SYN2: variants seen among roughly 807,000 people sequenced by gnomAD.
SYN2 encodes synapsin II.
SYN2 carries 19 observed loss-of-function variants against 50.9 expected under a neutral mutation model. That is an observed-to-expected ratio of 0.37 (90% CI 0.26 to 0.55). The LOEUF (loss-of-function observed/expected upper bound fraction) is 0.55, where lower values mean the gene tolerates loss of function less well. Among genes scored for constraint, SYN2 ranks in the 20% least tolerant of loss-of-function variants. The pLI is 0.81. For missense variants in SYN2, 587 were observed against 576.4 expected (o/e 1.02, Z -0.19); for synonymous variants, 255 against 224.9 (o/e 1.13, Z -1.20).
At chr3:12,083,530 A>G (rs531717965) in intron 1 of SYN2, among the ~76,000 whole-genome samples, 1 of 152,338 alleles carries the variant, frequency 6.6e-6, no homozygotes, top group South Asian at 2.1e-4. Flanking sequence ...CTTCCTCCCA[A>G]AGTTTCTCCT....
chr3:12,070,542 G>C, intron 1 of SYN2: 4 of 997,274 alleles, frequency 4.0e-6, no homozygotes, highest in Non-Finnish European at 6.0e-6. Context: ...GGAGCACCTG[G>C]TGCTGCTGAC....
At chr3:12,028,139 C>G (rs991543031) in intron 1 of SYN2, among the ~76,000 whole-genome samples, 1 of 138,782 alleles carries the variant, frequency 7.2e-6, no homozygotes, top group African/African-American at 2.7e-5. Flanking sequence ...GTTTTTTGTT[C>G]TTGGCGATAG....
chr3:12,076,013 T>C (rs1695460466), intron 1 of SYN2, among the ~76,000 whole-genome samples: 1 of 152,160 alleles, frequency 6.6e-6, no homozygotes, highest in Admixed American at 6.6e-5. Context: ...ACTATTATTA[T>C]CACCATTTTA....
rs1698374080 is a variant in SYN2 at position 12,187,753 on chromosome 3, G to C, written c.1613+141G>C. The C allele has an allele frequency of 2.3e-6, 3 of 1,318,200 alleles. No individual in the cohort carries two copies. The African/African-American group carries it at 4.6e-5, about 20-fold the overall frequency. The allele number at this position is 1,318,200 out of a possible 1,614,324, so 81.7% of individuals were successfully genotyped here. A position where few individuals can be genotyped will look rare whatever the true frequency, so the allele number is the denominator to read the frequency against. On this transcript the variant is annotated intron_variant, in intron 12 of 12. Coordinates refer to ENST00000621198, the MANE Select transcript of SYN2 (RefSeq NM_133625.6). ...GATGGGATTTGGTTTTTTTTTGTTA[G>C]TTTGTTTTTGGTTTTTGTGTGTGTG... is the stretch of plus-strand genomic sequence containing the variant.
chr3:12,156,776 C>G (rs776485206), intron 5 of SYN2: 1 of 1,516,226 alleles, frequency 6.6e-7, no homozygotes, highest in Admixed American at 1.7e-5. Flanking sequence ...TCCCCTAGGG[C>G]AGAATCTATT....
chr3:12,056,366 G>C (rs970563711), intron 1 of SYN2, among the ~76,000 whole-genome samples: 3 of 151,766 alleles, frequency 2.0e-5, no homozygotes, highest in African/African-American at 7.3e-5. Flanking sequence ...CTGGATGGTG[G>C]ATACATGAGT....
At chr3:12,013,060 G>A (rs1293499529) in intron 1 of SYN2, among the ~76,000 whole-genome samples, 1 of 152,218 alleles carries the variant, frequency 6.6e-6, no homozygotes, top group Non-Finnish European at 1.5e-5. Context: ...GTTCACTGAT[G>A]TGTTTGACAC....
chr3:12,190,391 G>C (rs1698423054), intron 12 of SYN2, 99 bp from the exon 13 acceptor site: 5 of 1,381,720 alleles, frequency 3.6e-6, no homozygotes, highest in Non-Finnish European at 4.1e-6. Flanking sequence ...TTCCCAGGGA[G>C]GGAGTGGGGG....
At chr3:12,163,199 G>A (rs1435763474) in intron 7 of SYN2, among the ~76,000 whole-genome samples, 3 of 138,196 alleles carry the variant, frequency 2.2e-5, no homozygotes, top group African/African-American at 2.8e-5. Context: ...CCGAGATCGC[G>A]CCACTGCACT....
At chr3:12,137,898 AAGAT>A (rs1034818534) in intron 1 of SYN2, among the ~76,000 whole-genome samples, 1 of 152,288 alleles carries the variant, frequency 6.6e-6, no homozygotes, top group African/African-American at 2.4e-5. Context: ...TATAATTTTA[AAGAT>A]AGATTGATTG....
chr3:12,157,522 T>A (rs754541773), intron 5 of SYN2: 1 of 1,591,782 alleles, frequency 6.3e-7, no homozygotes, highest in Non-Finnish European at 8.6e-7. Flanking sequence ...CAGCAGCTGG[T>A]GGGGGCAATA....
At chr3:12,152,159 A>C (rs1471087303) in intron 5 of SYN2, among the ~76,000 whole-genome samples, 1 of 152,160 alleles carries the variant, frequency 6.6e-6, no homozygotes, top group Non-Finnish European at 1.5e-5. Flanking sequence ...GTCTCCATTT[A>C]CACCATTTCT....
chr3:12,125,872 A>G (rs1287571788), intron 1 of SYN2, among the ~76,000 whole-genome samples: 2 of 151,766 alleles, frequency 1.3e-5, no homozygotes, highest in African/African-American at 4.8e-5. Flanking sequence ...CAAAACACAC[A>G]AAAAAACTGA....
intron 1 of SYN2, among the ~76,000 whole-genome samples, chr3:12,027,670 G>C (rs1694291511): frequency 6.6e-6 from 1 of 152,146 alleles, no homozygotes; most frequent in Admixed American, 6.6e-5. Context: ...TCTCCGTTTA[G>C]CATATGAGCA....
intron 11 of SYN2, chr3:12,185,573 G>A: frequency 2.0e-6 from 2 of 985,870 alleles, no homozygotes; most frequent in Non-Finnish European, 2.4e-6. Flanking sequence ...TTGCCATTCA[G>A]GTGTTTTGTA....
At chr3:12,071,156 C>T (rs1326187636) in intron 1 of SYN2, 20 of 553,350 alleles carry the variant, frequency 3.6e-5, no homozygotes, top group African/African-American at 7.6e-5. Flanking sequence ...ACCATGTACC[C>T]GGGCATCACC....
chr3:12,072,470 C>T (rs1249096963), intron 1 of SYN2, among the ~76,000 whole-genome samples: 1 of 152,114 alleles, frequency 6.6e-6, no homozygotes, highest in Admixed American at 6.5e-5. Context: ...TACATTTAAG[C>T]CCTTCATCCA....
intron 1 of SYN2, among the ~76,000 whole-genome samples, chr3:12,129,706 G>A (rs1170234741): frequency 6.6e-6 from 1 of 152,132 alleles, no homozygotes; most frequent in Non-Finnish European, 1.5e-5. Context: ...TGTGTATTAT[G>A]GTTCCTTGTT....
At position 12,151,918 on chromosome 3, in the gene SYN2, CAG is replaced by C. The variant is rs1271485587; in HGVS notation, c.774+598_774+599del. 2.0e-5 allele frequency among the ~76,000 whole-genome samples: 3 copies of C among 152,268 alleles called. No homozygotes were observed. The East Asian group carries it at 5.8e-4, about 29-fold the overall frequency. ...GGCCATCCTAGTAAGTCAGAAGGAG[CAG>C]AGAGATGGGACGGTTGGTTGGTAAG... On this transcript the variant is annotated intron_variant, in intron 5 of 12. Transcript: ENST00000621198.
Sources: gnomAD v4.1 joint callset for allele counts (sites outside exome capture counted in the v4.1 genomes callset) on GRCh38, gnomAD v4.1.1 for gene constraint, MANE v1.5 for transcripts, NCBI Gene and HGNC (gene_info 2026-07-23, HGNC 2026-07-21) for gene names.